The following NUMA1 variants were observed in gnomAD, a reference collection of about 807,000 sequenced individuals.
NUMA1 encodes SP-H antigen.
NUMA1 carries 62 observed loss-of-function variants against 237.1 expected under a neutral mutation model. The ratio of observed to expected loss-of-function variants is 0.26; its 90% confidence interval spans 0.21 to 0.32. NUMA1 has a LOEUF of 0.32. NUMA1 is among the 10% of genes least tolerant of loss of function. The pLI is 1.00. For synonymous variants in NUMA1, 1,028 were observed against 1,066.1 expected (o/e 0.96, Z 0.70); for missense variants, 2,533 against 2,666.5 (o/e 0.95, Z 1.10).
intron 2 of NUMA1, chr11:72,047,819 G>A (rs1220171912): frequency 6.6e-6 from 1 of 152,120 alleles, no homozygotes; most frequent in African/African-American, 2.4e-5. Context: ...AGACTAGAAG[G>A]CATTGTATTG....
intron 2 of NUMA1, among the ~76,000 whole-genome samples, chr11:72,060,053 T>G (rs559012812): frequency 6.6e-6 from 1 of 152,336 alleles, no homozygotes; most frequent in Non-Finnish European, 1.5e-5. Flanking sequence ...GGTTCAGAGA[T>G]GCTAGAGTGA....
intron 12 of NUMA1, 102 bp from the exon 13 acceptor site, chr11:72,017,929 C>A: frequency 7.2e-7 from 1 of 1,383,578 alleles, no homozygotes; most frequent in South Asian, 1.3e-5. Context: ...TCCAATTATC[C>A]TGCCAACCCT....
rs1025479144 is a variant in NUMA1, at chr11:72,038,909, C to T, written c.-32-2934G>A. 2.0e-5 allele frequency among the ~76,000 whole-genome samples: 3 copies of T among 152,196 alleles called. No homozygotes were observed. In the East Asian group the frequency reaches 5.8e-4, roughly 29 times the overall value. Reference sequence around the variant, plus strand: ...ATTCCCCCAGAATCTAAAACAGAGGCCTCACCGAGCTGGTAAGGCACCCTC... The same window carrying T: ...ATTCCCCCAGAATCTAAAACAGAGGTCTCACCGAGCTGGTAAGGCACCCTC... On this transcript the variant is annotated intron_variant, in intron 2 of 26. Transcript: ENST00000393695.
chr11:72,006,506 G>C (rs138977624), intron 21 of NUMA1, among the ~76,000 whole-genome samples: 3 of 152,282 alleles, frequency 2.0e-5, no homozygotes, highest in South Asian at 4.1e-4. Context: ...ATAATGCTTT[G>C]AGGTAGGGAA....
rs1483414781 is a variant in NUMA1, at chr11:72,007,289, C to T, written c.5363G>A (p.Ser1788Asn). ...GACGTCTCCCAGGGAGTCCAGGCTGCTCTCCAGGGGGGCCTGACTCCGAGC... is the reference window on the plus strand; with the variant it reads ...GACGTCTCCCAGGGAGTCCAGGCTGTTCTCCAGGGGGGCCTGACTCCGAGC... ...IPARSQAPLE[S>N]SLDSLGDVFL... Residue 1788 changes from serine (S) to asparagine (N), a missense_variant, in exon 21 of 27, where the codon AGC (serine) becomes AAC (asparagine). Around this residue, in one of 3 missense-constraint regions of NUMA1, gnomAD observed 795 missense variants for 750.8 expected, o/e 1.06. Transcript: ENST00000393695. The T allele has an allele frequency of 6.2e-7, 1 of 1,613,242 alleles. No homozygotes were observed. The highest frequency in any genetic ancestry group is 1.3e-5 in the African/African-American group (1 of 74,882).
chr11:72,073,048 CA>C (rs71052849), intron 1 of NUMA1, among the ~76,000 whole-genome samples: 509 of 38,956 alleles, frequency 0.013, 8 homozygotes, highest in Middle Eastern at 0.056. Flanking sequence ...GACTCCGTCT[CA>C]AAAAAAAAAA....
chr11:72,008,382 C>G (rs1435712705), intron 20 of NUMA1: 1 of 436,380 alleles, frequency 2.3e-6, no homozygotes, highest in Non-Finnish European at 4.2e-6. Flanking sequence ...CCTTCCTGGC[C>G]TCACATCTCA....
intron 3 of NUMA1, among the ~76,000 whole-genome samples, chr11:72,034,526 G>A (rs1168624608): frequency 1.3e-5 from 2 of 151,976 alleles, no homozygotes; most frequent in Admixed American, 6.6e-5. Context: ...GGCCAACATG[G>A]TGAAACCCGT....
chr11:72,065,005 C>A (rs1943137638), intron 2 of NUMA1, among the ~76,000 whole-genome samples: 1 of 152,052 alleles, frequency 6.6e-6, no homozygotes, highest in African/African-American at 2.4e-5. Context: ...GGAAGTATAC[C>A]AAATAATGTT....
chr11:72,003,268 CTT>C lies in NUMA1; in HGVS notation c.*257_*258del. ...AAATCTGGTTGTGATGGAGAAGTGACTTTGCTTTAAGAAAAAAGGAGGCAAGG... is the reference window on the plus strand; with the variant it reads ...AAATCTGGTTGTGATGGAGAAGTGACTGCTTTAAGAAAAAAGGAGGCAAGG... On this transcript the variant is annotated 3_prime_UTR_variant, in exon 27 of 27. Coordinates refer to ENST00000393695, the MANE Select transcript of NUMA1 (RefSeq NM_006185.4). 1 of 530,758 alleles carries C rather than the reference CTT, an allele frequency of 1.9e-6. No homozygotes were observed. The highest frequency in any genetic ancestry group is 3.4e-6 in the Non-Finnish European group (1 of 295,684). The allele number at this position is 530,758 out of a possible 1,614,324, so 32.9% of individuals were successfully genotyped here.
intron 3 of NUMA1, among the ~76,000 whole-genome samples, chr11:72,035,461 G>A (rs1940905425): frequency 6.6e-6 from 1 of 151,568 alleles, no homozygotes; most frequent in Admixed American, 6.6e-5. Flanking sequence ...AGGCTGGAGT[G>A]CAATGGTGTG....
chr11:72,036,622 A>C (rs988961697), intron 2 of NUMA1, among the ~76,000 whole-genome samples: 2 of 152,202 alleles, frequency 1.3e-5, no homozygotes, highest in Non-Finnish European at 2.9e-5. Flanking sequence ...CCTCCACAGA[A>C]ATGTCTCACA....
At position 72,012,909 on chromosome 11, in the gene NUMA1, T is replaced by C. The variant is rs1239557657; in HGVS notation, c.4594A>G (p.Lys1532Glu). 1 of 1,613,888 alleles carries C rather than the reference T, an allele frequency of 6.2e-7. No homozygotes were observed. Among genetic ancestry groups the C allele is most frequent in the African/African-American group, 1.3e-5 (1 of 74,922 alleles). ...ERQRFQEERQKLTAQVEQLEV... is the reference protein window; with the variant it reads ...ERQRFQEERQELTAQVEQLEV... The stretch of plus-strand genomic sequence containing the variant: ...GAGTACCTTACCTGGGCAGTGAGTT[T>C]CTGCCTCTCTTCCTGGAACCGCTGC... The change falls in exon 15 of 27, where the codon AAA becomes GAA. Residue 1532 changes from lysine to glutamate, a missense_variant. Physicochemically the swap from Lys to Glu is moderately conservative, Grantham distance 56. This residue lies in a region of NUMA1 where 324 missense variants were observed against 407.6 expected (regional missense o/e 0.79). Transcript: ENST00000393695.
At chr11:72,003,681 G>A (rs923506957) in intron 26 of NUMA1, 143 bp from the exon 27 acceptor site, 1 of 1,141,438 alleles carries the variant, frequency 8.8e-7, no homozygotes, top group African/African-American at 1.5e-5. Flanking sequence ...TGCTGGCTGT[G>A]CCTGAGCAGC....
At position 72,017,937 on chromosome 11, in the gene NUMA1, C is replaced by A. The variant is rs1377580669; in HGVS notation, c.979-110G>T. On this transcript the variant is annotated intron_variant, in intron 12 of 26. Coordinates refer to ENST00000393695, the MANE Select transcript of NUMA1 (RefSeq NM_006185.4). ...GGATGCCTCCAATTATCCTGCCAAC[C>A]CTCTACAAACCAATCACAGCCATCA... The A allele has an allele frequency of 2.9e-5, 37 of 1,288,144 alleles. No homozygotes were observed. In the East Asian group the frequency reaches 8.8e-4, roughly 31 times the overall value. The allele number at this position is 1,288,144 out of a possible 1,614,324, so 79.8% of individuals were successfully genotyped here.
intron 20 of NUMA1, chr11:72,007,912 TC>T (rs1210575436): frequency 1.4e-5 from 5 of 354,976 alleles, no homozygotes; most frequent in Non-Finnish European, 2.2e-5. Context: ...CTGGTCTGCT[TC>T]ATCTCCTCTC....
At position 72,015,530 on chromosome 11, in the gene NUMA1, C is replaced by T; in HGVS notation, c.1973G>A (p.Cys658Tyr). ...LSRKVEELQACVETARQEQHE... is the reference protein window; with the variant it reads ...LSRKVEELQAYVETARQEQHE... ...CTGTTCCTGGCGGGCTGTCTCAACA[C>T]AGGCCTGGAGTTCCTCCACCTTCCG... The change falls in exon 15 of 27, where the codon TGT (cysteine) becomes TAT (tyrosine). Residue 658 changes from cysteine (C) to tyrosine (Y), a missense_variant. Around this residue, in one of 3 missense-constraint regions of NUMA1, gnomAD observed 1,414 missense variants for 1,508.1 expected, o/e 0.94. Transcript: ENST00000393695. This position sits in a 1 kb window ranked among gnomAD's most constrained non-coding sequence, Gnocchi z 4.0. 6.2e-7 allele frequency: 1 copy of T among 1,613,558 alleles called. No homozygotes were observed. Among genetic ancestry groups the T allele is most frequent in the Non-Finnish European group, 8.5e-7 (1 of 1,180,028 alleles).
chr11:72,022,270 G>A, intron 7 of NUMA1, 69 bp downstream of exon 7: 1 of 1,021,794 alleles, frequency 9.8e-7, no homozygotes, highest in Non-Finnish European at 1.5e-6. Flanking sequence ...GCTGTTCAAA[G>A]AAAAACAAGT....
At chr11:72,044,795 G>A (rs186725113) in intron 2 of NUMA1, among the ~76,000 whole-genome samples, 1 of 151,050 alleles carries the variant, frequency 6.6e-6, no homozygotes, top group African/African-American at 2.4e-5. Context: ...AGCCTACCAA[G>A]TAGCTGAGAT....
Sources: gnomAD v4.1 joint callset for allele counts (sites outside exome capture counted in the v4.1 genomes callset) on GRCh38, gnomAD v4.1.1 for gene constraint, gnomAD v4.1.1 regional missense constraint, Gnocchi (gnomAD v3.1) non-coding constraint, MANE v1.5 for transcripts, NCBI Gene and HGNC (gene_info 2026-07-23, HGNC 2026-07-21) for gene names.